The following LRRC7 variants were observed in gnomAD, a reference collection of about 807,000 sequenced individuals.
LRRC7 encodes leucine rich repeat containing 7.
Under a neutral mutation model 175.7 loss-of-function variants are expected in LRRC7, and 23 were observed. The ratio of observed to expected loss-of-function variants is 0.13; its 90% CI spans 0.09 to 0.19. The LOEUF (loss-of-function observed/expected upper bound fraction) is 0.19, where lower values mean the gene tolerates loss of function less well. LRRC7 is among the 10% of genes least tolerant of loss of function. The pLI is 1.00. For missense variants in LRRC7, 1,354 were observed against 1,904.7 expected (o/e 0.71, Z 5.38); for synonymous variants, 685 against 680.9 (o/e 1.01, Z -0.09).
At chr1:69,865,781 G>A (rs1360223080) in intron 7 of LRRC7, among the ~76,000 whole-genome samples, 2 of 151,820 alleles carry the variant, frequency 1.3e-5, no homozygotes, top group African/African-American at 4.8e-5. Flanking sequence ...CGCCCGGCCC[G>A]ACCGTTCCTT....
intron 4 of LRRC7, among the ~76,000 whole-genome samples, chr1:69,800,183 C>G (rs762445121): frequency 6.6e-6 from 1 of 151,916 alleles, no homozygotes; most frequent in Non-Finnish European, 1.5e-5. Context: ...TTTGATGTTT[C>G]CAGCTTTGTT....
intron 7 of LRRC7, chr1:69,879,872 C>T: frequency 6.6e-6 from 1 of 152,230 alleles, no homozygotes; most frequent in East Asian, 1.9e-4. Flanking sequence ...TTCCCTAAGC[C>T]ATGGAGTCAG....
At chr1:70,026,974 T>A (rs1355736910) in intron 17 of LRRC7, among the ~76,000 whole-genome samples, 1 of 152,154 alleles carries the variant, frequency 6.6e-6, no homozygotes, top group Admixed American at 6.6e-5. Context: ...ATCACCATCA[T>A]AGTTTCTTAC....
At chr1:70,029,063 C>T (rs530600659) in intron 18 of LRRC7, among the ~76,000 whole-genome samples, 1 of 152,136 alleles carries the variant, frequency 6.6e-6, no homozygotes, top group African/African-American at 2.4e-5. Context: ...GTTCACGTAA[C>T]TACTTCTCCA....
chr1:70,036,645 T>C, intron 20 of LRRC7, 21 bp downstream of exon 20: 1 of 1,575,096 alleles, frequency 6.3e-7, no homozygotes, highest in Non-Finnish European at 8.6e-7. Context: ...AATTCCCTCC[T>C]TTTGTTCCCA....
Position 70,038,484 on chromosome 1 carries a change from C to G in LRRC7, c.2660C>G (p.Pro887Arg). Reference sequence around the variant, plus strand: ...CCTTGGCAGAATTGGACCAGAACCCCTAGTCCGTTTGAAGACAGGACCGCT... The same window carrying G: ...CCTTGGCAGAATTGGACCAGAACCCGTAGTCCGTTTGAAGACAGGACCGCT... The part of the protein sequence containing the change: ...SNPWQNWTRT[P>R]SPFEDRTAFP... The change falls in exon 21 of 27, where the codon CCT becomes CGT. Residue 887 changes from proline to arginine, a missense_variant. Pro to Arg is a moderately radical substitution (Grantham distance 103). Coordinates refer to ENST00000651989, the MANE Select transcript of LRRC7 (RefSeq NM_001370785.2). 1 of 1,614,132 alleles carries G rather than the reference C, an allele frequency of 6.2e-7. No individual in the cohort carries two copies. Among genetic ancestry groups the G allele is most frequent in the Non-Finnish European group, 8.5e-7 (1 of 1,180,010 alleles).
chr1:69,807,231 G>A (rs1357364638), intron 4 of LRRC7, among the ~76,000 whole-genome samples: 1 of 151,870 alleles, frequency 6.6e-6, no homozygotes, highest in South Asian at 2.1e-4. Context: ...CACCCTGATG[G>A]GTCTTGACTC....
At chr1:70,054,005 G>A (rs76660592) in intron 23 of LRRC7, among the ~76,000 whole-genome samples, 3,929 of 152,174 alleles carry the variant, frequency 0.026, 118 homozygotes, top group African/African-American at 0.071. Flanking sequence ...TAAGAGCAAT[G>A]GAAACTCTTT....
intron 4 of LRRC7, among the ~76,000 whole-genome samples, chr1:69,802,761 T>A (rs151258429): frequency 1.4e-4 from 21 of 151,456 alleles, no homozygotes; most frequent in African/African-American, 5.1e-4. Flanking sequence ...TGTTGTAATG[T>A]TTTTATCTGG....
chr1:70,002,074 G>A (rs929645009), intron 11 of LRRC7, among the ~76,000 whole-genome samples: 2 of 152,082 alleles, frequency 1.3e-5, no homozygotes, highest in African/African-American at 4.8e-5. Context: ...CATTCAGTGG[G>A]TCCCATAAGT....
At chr1:69,649,197 T>C (rs1655423561) in intron 1 of LRRC7, among the ~76,000 whole-genome samples, 1 of 152,252 alleles carries the variant, frequency 6.6e-6, no homozygotes, top group African/African-American at 2.4e-5. Context: ...GTTACTTTAC[T>C]TTTTGTTGCC....
intron 16 of LRRC7, among the ~76,000 whole-genome samples, 200 bp from the exon 17 acceptor site, chr1:70,022,926 A>G (rs1360242362): frequency 6.6e-6 from 1 of 152,198 alleles, no homozygotes; most frequent in East Asian, 1.9e-4. Context: ...TGAATGCTGC[A>G]TTGTGTGAAG....
At chr1:69,894,530 C>A (rs1271786477) in intron 7 of LRRC7, among the ~76,000 whole-genome samples, 2 of 152,146 alleles carry the variant, frequency 1.3e-5, no homozygotes, top group East Asian at 1.9e-4. Flanking sequence ...CAATTGCCAT[C>A]TAATAAACTG....
chr1:69,636,636 T>TTCACC (rs1453624070), intron 1 of LRRC7, among the ~76,000 whole-genome samples: 2 of 152,044 alleles, frequency 1.3e-5, no homozygotes, highest in Non-Finnish European at 2.9e-5. Flanking sequence ...GTTTCTTATG[T>TTCACC]TCACCATTAA....
intron 1 of LRRC7, among the ~76,000 whole-genome samples, chr1:69,654,801 C>T (rs1020547346): frequency 2.0e-5 from 3 of 152,036 alleles, no homozygotes; most frequent in African/African-American, 7.2e-5. Context: ...TGGCAACTTG[C>T]CTGCTACTTA....
chr1:69,941,212 G>A (rs1183108613), intron 8 of LRRC7, among the ~76,000 whole-genome samples: 5 of 152,074 alleles, frequency 3.3e-5, no homozygotes, highest in South Asian at 2.1e-4. Context: ...TGTGGAGTGG[G>A]AGAGAACCCT....
At chr1:69,923,806 A>G (rs1646969400) in intron 7 of LRRC7, among the ~76,000 whole-genome samples, 2 of 151,906 alleles carry the variant, frequency 1.3e-5, no homozygotes, top group African/African-American at 2.4e-5. Flanking sequence ...CTTTAGTTTA[A>G]TTATATCCCA....
chr1:69,591,703 G>T (rs577287525), intron 1 of LRRC7, among the ~76,000 whole-genome samples: 2 of 151,974 alleles, frequency 1.3e-5, no homozygotes, highest in Non-Finnish European at 2.9e-5. Context: ...ATTCAGGATT[G>T]ATGATCAGGT....
intron 9 of LRRC7, among the ~76,000 whole-genome samples, chr1:69,984,995 TAAA>T (rs1458451955): frequency 3.9e-5 from 6 of 152,222 alleles, no homozygotes; most frequent in African/African-American, 1.4e-4. Context: ...TCACACTTTA[TAAA>T]GGCACGTGCT....
Sources: allele counts gnomAD v4.1 joint callset (sites outside exome capture counted in the v4.1 genomes callset), GRCh38; gene constraint gnomAD v4.1.1; transcripts MANE v1.5; gene names NCBI Gene and HGNC (gene_info 2026-07-23, HGNC 2026-07-21).